CNTN1: variants seen among roughly 807,000 people sequenced by gnomAD.
CNTN1 encodes contactin-1.
A neutral mutation model predicts 126.4 loss-of-function variants in CNTN1; 38 were observed. That is an observed-to-expected ratio of 0.30 (90% confidence interval 0.23 to 0.39). The LOEUF is 0.39. Among genes scored for constraint, CNTN1 ranks in the 10% least tolerant of loss-of-function variants. CNTN1 has a pLI of 1.00. For synonymous variants in CNTN1, 413 were observed against 422.6 expected, an observed-to-expected ratio of 0.98 and a Z score of 0.28; for missense variants, 1,009 against 1,248.4, an observed-to-expected ratio of 0.81 and a Z score of 2.89.
At chr12:41,056,909 A>AATATTATAAATATTTAG (rs1160331693) in intron 23 of CNTN1, among the ~76,000 whole-genome samples, 3 of 94,818 alleles carry the variant, frequency 3.2e-5, no homozygotes, top group Non-Finnish European at 4.1e-5. Flanking sequence ...GATATTTATA[A>AATATTATAAATATTTAG]ATATTTATAA....
At chr12:40,996,940 G>T (rs1303355644) in intron 17 of CNTN1, among the ~76,000 whole-genome samples, 1 of 152,286 alleles carries the variant, frequency 6.6e-6, no homozygotes, top group African/African-American at 2.4e-5. Flanking sequence ...GACAAAGGCT[G>T]GTTCCCATTT....
At chr12:40,764,710 G>A (rs538062765) in intron 1 of CNTN1, among the ~76,000 whole-genome samples, 4 of 152,278 alleles carry the variant, frequency 2.6e-5, no homozygotes, top group East Asian at 1.9e-4. Flanking sequence ...TAATAAAGTC[G>A]AGGGAAAAAT....
chr12:40,771,810 TTAA>T (rs775956404), intron 1 of CNTN1, among the ~76,000 whole-genome samples: 2 of 152,032 alleles, frequency 1.3e-5, no homozygotes, highest in Admixed American at 6.6e-5. Context: ...TACTAATTAT[TTAA>T]TAATATCAAT....
chr12:40,950,394 T>A (rs931101337), intron 14 of CNTN1, among the ~76,000 whole-genome samples: 2 of 152,102 alleles, frequency 1.3e-5, no homozygotes, highest in Non-Finnish European at 2.9e-5. Flanking sequence ...AGAAACTAGA[T>A]TTTTCAAAAT....
At chr12:40,899,872 T>C (rs990284911) in intron 1 of CNTN1, among the ~76,000 whole-genome samples, 4 of 152,186 alleles carry the variant, frequency 2.6e-5, no homozygotes, top group African/African-American at 9.7e-5. Context: ...AATATGTTAA[T>C]TATTAAATAT....
intron 23 of CNTN1, among the ~76,000 whole-genome samples, chr12:41,064,973 G>A (rs1217496404): frequency 1.3e-5 from 2 of 152,276 alleles, no homozygotes; most frequent in African/African-American, 4.8e-5. Flanking sequence ...TTTCCAGAAC[G>A]TCTGACTCAG....
At chr12:40,863,751 A>T (rs1008562401) in intron 1 of CNTN1, among the ~76,000 whole-genome samples, 2 of 100,586 alleles carry the variant, frequency 2.0e-5, no homozygotes, top group African/African-American at 1.0e-4. Flanking sequence ...ATGAGAATCT[A>T]ATGCCTGATG....
At chr12:40,715,488 G>C (rs180839082) in intron 1 of CNTN1, among the ~76,000 whole-genome samples, 1 of 151,994 alleles carries the variant, frequency 6.6e-6, no homozygotes, top group South Asian at 2.1e-4. Flanking sequence ...AAAAGTAACC[G>C]CATGAACTTT....
chr12:40,893,889 G>A (rs1944317697), intron 1 of CNTN1, among the ~76,000 whole-genome samples: 1 of 152,044 alleles, frequency 6.6e-6, no homozygotes, highest in African/African-American at 2.4e-5. Context: ...CCACTTGAAT[G>A]TCTAATGGGA....
At chr12:40,712,004 G>T (rs567439108) in intron 1 of CNTN1, among the ~76,000 whole-genome samples, 13 of 152,122 alleles carry the variant, frequency 8.5e-5, no homozygotes, top group Non-Finnish European at 1.9e-4. Flanking sequence ...ACAGGAGTGA[G>T]CCAATGTGCC....
At chr12:40,974,829 A>G (rs545654231) in intron 15 of CNTN1, among the ~76,000 whole-genome samples, 1 of 152,218 alleles carries the variant, frequency 6.6e-6, no homozygotes, top group Non-Finnish European at 1.5e-5. Context: ...AGTGACTTCA[A>G]TATAAGTACT....
At chr12:40,733,595 T>C (rs1476235269) in intron 1 of CNTN1, among the ~76,000 whole-genome samples, 1 of 151,978 alleles carries the variant, frequency 6.6e-6, no homozygotes, top group African/African-American at 2.4e-5. Context: ...TTGTGAGGAA[T>C]TCTTTATTCC....
rs770255352 is a variant in CNTN1, at chr12:41,027,960, G to A, written c.2814G>A (p.Thr938=). Reference sequence around the variant, plus strand: ...CACTATCAAATGAATCTACAGTGACGGGATATAAGGTATATACAAATAGTG... The same window carrying A: ...CACTATCAAATGAATCTACAGTGACAGGATATAAGGTATATACAAATAGTG... ...VVALSNESTV[T]GYKVLYRPDG... The change falls in exon 22 of 24, where the codon ACG becomes ACA. Residue 938 remains threonine, a synonymous_variant. Transcript: ENST00000551295. The A allele has an allele frequency of 7.6e-6, 12 of 1,586,252 alleles. No individual in the cohort carries two copies. The highest frequency in any genetic ancestry group is 2.2e-5 in the East Asian group (1 of 44,710).
At chr12:40,942,914 G>GT (rs1566000574) in intron 12 of CNTN1, among the ~76,000 whole-genome samples, 1 of 152,016 alleles carries the variant, frequency 6.6e-6, no homozygotes, top group East Asian at 1.9e-4. Flanking sequence ...ACGTTTGCAT[G>GT]TTTTGTGCAA....
chr12:40,995,708 C>T (rs1336178384), intron 17 of CNTN1, among the ~76,000 whole-genome samples: 1 of 152,024 alleles, frequency 6.6e-6, no homozygotes, highest in African/African-American at 2.4e-5. Flanking sequence ...TAAGATACAA[C>T]CTTGTAGTGA....
chr12:40,855,348 A>G (rs982327001), intron 1 of CNTN1, among the ~76,000 whole-genome samples: 1 of 152,074 alleles, frequency 6.6e-6, no homozygotes, highest in African/African-American at 2.4e-5. Context: ...AATAGTATCC[A>G]TTAGAGTCTG....
intron 1 of CNTN1, among the ~76,000 whole-genome samples, chr12:40,895,132 T>C (rs1944364577): frequency 6.6e-6 from 1 of 152,252 alleles, no homozygotes; most frequent in African/African-American, 2.4e-5. Context: ...TGGAAGCCTC[T>C]ATTTATAATA....
chr12:40,760,835 G>GCAGACA (rs1938834137), intron 1 of CNTN1, among the ~76,000 whole-genome samples: 1 of 150,450 alleles, frequency 6.6e-6, no homozygotes, highest in Non-Finnish European at 1.5e-5. Context: ...TCAAAATAAT[G>GCAGACA]CACACACACA....
intron 1 of CNTN1, among the ~76,000 whole-genome samples, chr12:40,853,154 C>A (rs1371080416): frequency 6.6e-6 from 1 of 151,900 alleles, no homozygotes; most frequent in African/African-American, 2.4e-5. Context: ...TTTGCCTTAA[C>A]TGCTGGAGGT....
Sources: gnomAD v4.1 joint callset for allele counts (sites outside exome capture counted in the v4.1 genomes callset) on GRCh38, gnomAD v4.1.1 for gene constraint, MANE v1.5 for transcripts, NCBI Gene and HGNC (gene_info 2026-07-23, HGNC 2026-07-21) for gene names.